TAF1D: variants seen among roughly 807,000 people sequenced by gnomAD.
TAF1D encodes TATA box-binding protein-associated factor RNA polymerase I subunit D.
A neutral mutation model predicts 26.2 loss-of-function variants in TAF1D; 23 were observed. The observed-to-expected ratio is 0.88, with a 90% CI of 0.63 to 1.25. The LOEUF (loss-of-function observed/expected upper bound fraction) is 1.25, where lower values mean the gene tolerates loss of function less well. Ranked by LOEUF, TAF1D falls within the 50% of genes most tolerant of loss-of-function variation. The pLI, the probability that TAF1D is intolerant of heterozygous loss-of-function variation, is 0.00. For synonymous variants in TAF1D, 100 were observed against 105.6 expected (o/e 0.95, Z 0.33); for missense variants, 299 against 322.0 (o/e 0.93, Z 0.55).
downstream of TAF1D, chr11:93,735,396 T>C: frequency 1.0e-6 from 1 of 963,218 alleles, no homozygotes. Context: ...TTAAAAGTAG[T>C]ATTAGGCCAG....
chr11:93,739,961 C>CAAAAGAAAAA (rs1565245698), intron 1 of TAF1D, among the ~76,000 whole-genome samples: 1 of 82,416 alleles, frequency 1.2e-5, no homozygotes, highest in African/African-American at 5.3e-5. Context: ...TACAACATAC[C>CAAAAGAAAAA]AAAAAAAAAA....
At chr11:93,741,290 G>A (rs1415175926) in intron 1 of TAF1D, 32 bp downstream of exon 1, 1 of 455,988 alleles carries the variant, frequency 2.2e-6, no homozygotes, top group Non-Finnish European at 4.4e-6. Flanking sequence ...CGCCCGCCAG[G>A]CCCGGACGGC....
downstream of TAF1D, chr11:93,735,021 G>C (rs572843601): frequency 4.3e-4 from 539 of 1,239,104 alleles, 2 homozygotes; most frequent in Admixed American, 1.9e-3. Context: ...ACCTTGGTGT[G>C]GGGATTGCAG....
intron 4 of TAF1D, 51 bp from the exon 5 acceptor site, chr11:93,736,802 T>C: frequency 6.4e-7 from 1 of 1,556,220 alleles, no homozygotes; most frequent in Admixed American, 1.8e-5. Context: ...GATGACCTAA[T>C]TAGTTGTATA....
Position 93,741,335 on chromosome 11 carries a change from G to A in TAF1D, c.-41C>T, listed in dbSNP as rs1326337217. 2.2e-6 allele frequency: 1 copy of A among 456,164 alleles called. No homozygotes were observed. Among genetic ancestry groups the A allele is most frequent in the Non-Finnish European group, 4.4e-6 (1 of 226,960 alleles). 28.3% of individuals were successfully genotyped at this position (456,164 alleles called of 1,614,324 possible). A position where few individuals can be genotyped will look rare whatever the true frequency, so the allele number is the denominator to read the frequency against. On this transcript the variant is annotated 5_prime_UTR_variant, in exon 1 of 6. Coordinates refer to ENST00000448108, the MANE Select transcript of TAF1D (RefSeq NM_024116.4). ...TTAGCAACCTACCTAAAACGGCCTC[G>A]CAGTGGCCCCAACCGCGCACTTGCT...
At chr11:93,733,430 A>G (rs960522496), downstream of TAF1D, 2 of 518,574 alleles carry the variant, frequency 3.9e-6, no homozygotes, top group Non-Finnish European at 7.7e-6. Context: ...CTGGTTTTTC[A>G]TAACGTTTAG....
downstream of TAF1D, chr11:93,733,635 AG>A (rs1939854818): frequency 2.0e-6 from 1 of 500,692 alleles, no homozygotes; most frequent in Non-Finnish European, 3.9e-6. Flanking sequence ...TTAAAGACAC[AG>A]GATCTGCCAT....
At chr11:93,737,004 A>G (rs564408202) in intron 4 of TAF1D, 60 bp downstream of exon 4, 2 of 1,389,996 alleles carry the variant, frequency 1.4e-6, no homozygotes, top group East Asian at 5.0e-5. Flanking sequence ...ATATGAAGCA[A>G]TTAACATAGA....
At chr11:93,740,955 G>A (rs1451501238) in intron 1 of TAF1D, among the ~76,000 whole-genome samples, 1 of 152,218 alleles carries the variant, frequency 6.6e-6, no homozygotes, top group African/African-American at 2.4e-5. Flanking sequence ...CGGAGCTAAC[G>A]CTGTGACCAC....
chr11:93,737,750 C>A (rs1475240703), intron 3 of TAF1D, among the ~76,000 whole-genome samples: 2 of 152,142 alleles, frequency 1.3e-5, no homozygotes, highest in African/African-American at 2.4e-5. Flanking sequence ...GAACATAAGG[C>A]ATGTGTGGTT....
In TAF1D at chr11:93,736,183, C is replaced by T. The variant is rs769241941; in HGVS notation, c.815G>A (p.Gly272Glu). The T allele has an allele frequency of 6.2e-7, 1 of 1,613,130 alleles. No homozygotes were observed. Among genetic ancestry groups the T allele is most frequent in the East Asian group, 2.2e-5 (1 of 44,740 alleles). Residue 272 changes from glycine to glutamate, a missense_variant, in exon 6 of 6, where the codon GGA becomes GAA. Physicochemically the swap from Gly to Glu is moderately conservative, Grantham distance 98. Coordinates refer to ENST00000448108, the MANE Select transcript of TAF1D (RefSeq NM_024116.4). ...CTGTCACATTTTCAGGCCTCTCTGTCCAGTATTTTTGGCTTTTGTAGCTCT... is the reference window on the plus strand; with the variant it reads ...CTGTCACATTTTCAGGCCTCTCTGTTCAGTATTTTTGGCTTTTGTAGCTCT... ...KKRATKAKNT[G>E]QRGLKM
At chr11:93,735,232 G>A, downstream of TAF1D, 4 of 1,350,022 alleles carry the variant, frequency 3.0e-6, no homozygotes, top group African/African-American at 1.5e-5. Flanking sequence ...ACATACATAA[G>A]TGCAGTCCCA....
downstream of TAF1D, chr11:93,735,042 T>C: frequency 1.6e-6 from 2 of 1,272,264 alleles, no homozygotes; most frequent in Non-Finnish European, 2.0e-6. Context: ...GCTTGACCCA[T>C]TGCACCTGGC....
At chr11:93,731,604 G>A (rs74697786), downstream of TAF1D, 10,744 of 517,434 alleles carry the variant, frequency 0.021, 165 homozygotes, top group Non-Finnish European at 0.033. Flanking sequence ...ACATAATAAC[G>A]TAAGCCTAGT....
At chr11:93,732,191 A>G (rs536863269), downstream of TAF1D, 6 of 502,558 alleles carry the variant, frequency 1.2e-5, no homozygotes, top group East Asian at 2.7e-4. Context: ...TTATGCTGGC[A>G]GTGCTACTGA....
chr11:93,740,370 G>A lies in TAF1D; in HGVS notation c.-28+952C>T, dbSNP rs187658500. 4.7e-3 allele frequency among the ~76,000 whole-genome samples: 702 copies of A among 148,028 alleles called. 5 individuals are homozygous for A. Among genetic ancestry groups the A allele is most frequent in the African/African-American group, 0.016 (624 of 39,816 alleles). On this transcript the variant is annotated intron_variant, in intron 1 of 5. Transcript: ENST00000448108. The stretch of plus-strand genomic sequence containing the variant: ...GATCGCTTAAGCCGCGGTGGAGGTT[G>A]CTGTTAGCCGAGATTGCACCACTGC...
downstream of TAF1D, chr11:93,731,729 CT>C: frequency 2.8e-6 from 1 of 353,712 alleles, no homozygotes; most frequent in South Asian, 2.2e-5. Flanking sequence ...CCTGCATGGC[CT>C]TTTAAGTAAT....
chr11:93,740,425 T>C (rs1183377376), intron 1 of TAF1D, among the ~76,000 whole-genome samples: 4 of 92,530 alleles, frequency 4.3e-5, no homozygotes, highest in African/African-American at 1.3e-4. Context: ...AGCAAGACCC[T>C]GTCTCAGGAA....
chr11:93,731,016 G>C (rs1938573426), downstream of TAF1D: 1 of 518,830 alleles, frequency 1.9e-6, no homozygotes, highest in South Asian at 1.4e-5. Flanking sequence ...CAAAGTAGCA[G>C]ATAGAAAACC....
Sources: allele counts gnomAD v4.1 joint callset (sites outside exome capture counted in the v4.1 genomes callset), GRCh38; gene constraint gnomAD v4.1.1; transcripts MANE v1.5; gene names NCBI Gene and HGNC (gene_info 2026-07-23, HGNC 2026-07-21).